Variants in TRAPPC10 observed in about 807,000 individuals in gnomAD.
TRAPPC10 encodes the protein TRAPP 130 kDa subunit.
TRAPPC10 carries 23 observed loss-of-function variants against 125.5 expected under a neutral mutation model. The ratio of observed to expected loss-of-function variants is 0.18; its 90% CI spans 0.13 to 0.26. The LOEUF (loss-of-function observed/expected upper bound fraction) is 0.26. Ranked by LOEUF, TRAPPC10 falls within the 10% of genes least tolerant of loss-of-function variation. The probability of loss-of-function intolerance (pLI) is 1.00; values close to 1 mark genes in which losing one functional copy is unlikely to be tolerated. For synonymous variants in TRAPPC10, 509 were observed against 518.0 expected (o/e 0.98, Z 0.24); for missense variants, 1,123 against 1,308.4 (o/e 0.86, Z 2.19).
Position 44,063,671 on chromosome 21 carries a change from T to C in TRAPPC10, c.924T>C (p.Ser308=). 1 of 1,614,202 alleles carries C rather than the reference T, an allele frequency of 6.2e-7. No individual in the cohort carries two copies. Among genetic ancestry groups the C allele is most frequent in the South Asian group, 1.1e-5 (1 of 91,092 alleles). ...RREATLLDLR[S]YLFSRQCTLL... ...AAGCCACCCTGTTAGATCTGCGCAG[T>C]TACCTGTTCTCTCGCCAGTGCACCT... The change falls in exon 7 of 23, where the codon AGT becomes AGC. Residue 308 remains serine, a synonymous_variant. Coordinates refer to ENST00000291574, the MANE Select transcript of TRAPPC10 (RefSeq NM_003274.5). This position sits in a 1 kb window ranked among gnomAD's most constrained non-coding sequence, Gnocchi z 4.4.
At position 44,059,480 on chromosome 21, in the gene TRAPPC10, TC is replaced by T; in HGVS notation, c.790+268del. 1 of 752,856 alleles carries T rather than the reference TC, an allele frequency of 1.3e-6. No homozygotes were observed. The highest frequency in any genetic ancestry group is 2.5e-6 in the Non-Finnish European group (1 of 403,274). The allele number at this position is 752,856 out of a possible 1,614,324, so 46.6% of individuals were successfully genotyped here. On this transcript the variant is annotated intron_variant, in intron 6 of 22. Coordinates refer to ENST00000291574, the MANE Select transcript of TRAPPC10 (RefSeq NM_003274.5). This position sits in a 1 kb window ranked among gnomAD's most constrained non-coding sequence, Gnocchi z 4.4. The stretch of plus-strand genomic sequence containing the variant: ...TGTTTTCCAGGTATAAAATGTCCTT[TC>T]CACAACTCAGTGGCCTGCTGGTGAT...
chr21:44,068,118 CAA>C (rs1282628289), intron 7 of TRAPPC10, among the ~76,000 whole-genome samples: 34 of 76,946 alleles, frequency 4.4e-4, no homozygotes, highest in Middle Eastern at 9.1e-3. Context: ...GACTCCGTCT[CAA>C]AAAAAAAAAA....
intron 5 of TRAPPC10, among the ~76,000 whole-genome samples, 170 bp downstream of exon 5, chr21:44,056,063 G>A (rs1356839754): frequency 2.0e-5 from 3 of 152,174 alleles, no homozygotes; most frequent in Non-Finnish European, 4.4e-5. Flanking sequence ...GGAAGTGTAT[G>A]GAAGCAGATG....
rs1459813932 is a variant in TRAPPC10, at chr21:44,080,042, C to T, written c.1638C>T (p.Ala546=). The T allele has an allele frequency of 7.4e-6, 12 of 1,614,190 alleles. No individual in the cohort carries two copies. Among genetic ancestry groups the T allele is most frequent in the South Asian group, 1.1e-5 (1 of 91,084 alleles). Residue 546 remains alanine, a synonymous_variant, in exon 13 of 23, where the codon GCC becomes GCT. Transcript: ENST00000291574. The part of the protein sequence containing the change: ...ENYLQTSSLL[A]SDHHLTEEER... Reference sequence around the variant, plus strand: ...ACCTGCAGACCAGCAGCCTCTTAGCCAGTGACCACCACCTCACTGAAGAGG... The same window carrying T: ...ACCTGCAGACCAGCAGCCTCTTAGCTAGTGACCACCACCTCACTGAAGAGG...
Position 44,094,146 on chromosome 21 carries a change from C to G in TRAPPC10, c.3081C>G (p.Phe1027Leu), listed in dbSNP as rs1465278254. The change falls in exon 20 of 23, where the codon TTC becomes TTG. Residue 1027 changes from phenylalanine (F) to leucine (L), a missense_variant. Physicochemically the swap from Phe to Leu is conservative, Grantham distance 22. Coordinates refer to ENST00000291574, the MANE Select transcript of TRAPPC10 (RefSeq NM_003274.5). ...EEPPPSLHCR[F>L]SVGFSPASEE... ...CTCCCCCTTCTCTGCATTGCCGGTT[C>G]TCTGTTGGATTTTCCCCAGCTTCTG... 1.9e-6 allele frequency: 3 copies of G among 1,614,188 alleles called. No homozygotes were observed. In the South Asian group the frequency reaches 3.3e-5, roughly 18 times the overall value.
At chr21:44,038,272 G>A (rs1181558793) in intron 3 of TRAPPC10, among the ~76,000 whole-genome samples, 1 of 152,168 alleles carries the variant, frequency 6.6e-6, no homozygotes, top group South Asian at 2.1e-4. Context: ...GAGCGTGGTC[G>A]TGTTCCCATG....
At chr21:44,086,697 A>G (rs2038157838) in intron 15 of TRAPPC10, 105 bp from the exon 16 acceptor site, 2 of 1,275,804 alleles carry the variant, frequency 1.6e-6, no homozygotes, top group Admixed American at 2.0e-5. Context: ...AAAGGAGCAA[A>G]TCTTTCATAG....
At chr21:44,060,961 C>T (rs150755395) in intron 6 of TRAPPC10, among the ~76,000 whole-genome samples, 10,431 of 137,226 alleles carry the variant, frequency 0.076, 451 homozygotes, top group Middle Eastern at 0.12. Flanking sequence ...TTTTTTGAGA[C>T]GGAGTCTTGC....
intron 7 of TRAPPC10, among the ~76,000 whole-genome samples, chr21:44,064,571 C>T (rs1296516356): frequency 6.6e-6 from 1 of 152,132 alleles, no homozygotes; most frequent in African/African-American, 2.4e-5. Context: ...CACCCATCCC[C>T]TGGTTAAGAT....
rs966498612 is a variant in TRAPPC10, at chr21:44,059,770, G to A, written c.790+556G>A. On this transcript the variant is annotated intron_variant, in intron 6 of 22. Coordinates refer to ENST00000291574, the MANE Select transcript of TRAPPC10 (RefSeq NM_003274.5). The surrounding 1 kb of genome is among the most constrained non-coding windows in gnomAD (Gnocchi z 4.4). The stretch of plus-strand genomic sequence containing the variant: ...CTTATTTTGATGAAAGTGATACCAC[G>A]TTATATAGCTGTTTCTCTGTCGCTC... 17 of 426,642 alleles carry A rather than the reference G, an allele frequency of 4.0e-5. No individual in the cohort carries two copies. The highest frequency in any genetic ancestry group is 2.6e-4 in the African/African-American group (13 of 50,092). 26.4% of individuals were successfully genotyped at this position (426,642 alleles called of 1,614,324 possible). A position where few individuals can be genotyped will look rare whatever the true frequency, so the allele number is the denominator to read the frequency against.
At chr21:44,066,747 GC>G (rs1193636792) in intron 7 of TRAPPC10, among the ~76,000 whole-genome samples, 1 of 152,144 alleles carries the variant, frequency 6.6e-6, no homozygotes, top group African/African-American at 2.4e-5. Context: ...TGCAATTGCA[GC>G]AGTTTGTATC....
At chr21:44,061,992 A>G (rs1002399294) in intron 6 of TRAPPC10, among the ~76,000 whole-genome samples, 1 of 152,250 alleles carries the variant, frequency 6.6e-6, no homozygotes, top group Non-Finnish European at 1.5e-5. Flanking sequence ...AGTGTTATTT[A>G]TAAGGTAAAG....
In TRAPPC10 at chr21:44,079,651, A is replaced by G; in HGVS notation, c.1557A>G (p.Thr519=). The G allele has an allele frequency of 3.7e-6, 6 of 1,611,316 alleles. No homozygotes were observed. Among genetic ancestry groups the G allele is most frequent in the Non-Finnish European group, 5.1e-6 (6 of 1,179,340 alleles). ...CTGAGGGCTGGGCACTCCCCATCAC[A>G]CACACAAGGAAGCAGCTGGCCGAAT... ...YLAEGWALPI[T]HTRKQLAECQ... Residue 519 remains threonine (T), a synonymous_variant, in exon 12 of 23, where the codon ACA becomes ACG. Transcript: ENST00000291574.
rs529885107 is a variant in TRAPPC10 at position 44,071,099 on chromosome 21, G to A, written c.1039-3225G>A. 3.4e-4 allele frequency among the ~76,000 whole-genome samples: 52 copies of A among 152,326 alleles called. 1 individual carries two copies. In the South Asian group the frequency reaches 9.9e-3, roughly 29 times the overall value. Reference sequence around the variant, plus strand: ...AGCAAGGTTGAATCTTAAAGATACTGTGTGGAATTAAAGAAGCCCCATGCA... The same window carrying A: ...AGCAAGGTTGAATCTTAAAGATACTATGTGGAATTAAAGAAGCCCCATGCA... On this transcript the variant is annotated intron_variant, in intron 7 of 22. Coordinates refer to ENST00000291574, the MANE Select transcript of TRAPPC10 (RefSeq NM_003274.5).
intron 5 of TRAPPC10, among the ~76,000 whole-genome samples, chr21:44,058,871 G>A (rs2035815494): frequency 6.6e-6 from 1 of 152,262 alleles, no homozygotes; most frequent in Admixed American, 6.5e-5. Flanking sequence ...AGTTATATCT[G>A]GTGCTGCCGA....
intron 14 of TRAPPC10, 88 bp downstream of exon 14, chr21:44,083,390 T>C (rs2037898531): frequency 1.4e-6 from 2 of 1,430,202 alleles, no homozygotes; most frequent in East Asian, 4.6e-5. Context: ...TGCTGTGAAT[T>C]GAGTAGAGTC....
At chr21:44,088,040 G>A (rs918440102) in intron 17 of TRAPPC10, 112 bp downstream of exon 17, 9 of 893,182 alleles carry the variant, frequency 1.0e-5, no homozygotes, top group Admixed American at 2.2e-5. Context: ...TCTGATTCCC[G>A]ATGCCCTGGG....
chr21:44,075,607 T>A lies in TRAPPC10; in HGVS notation c.1300+454T>A, dbSNP rs1433834347. Among the ~76,000 whole-genome samples the A allele has an allele frequency of 2.6e-5, 4 of 152,134 alleles. No homozygotes were observed. The East Asian group carries it at 7.8e-4, about 30-fold the overall frequency. On this transcript the variant is annotated intron_variant, in intron 9 of 22. Transcript: ENST00000291574. ...CTCAAGGGATCCTCTTGCCTCACCC[T>A]CCCAGGTAGCTGGGACTACAGGTGT...
chr21:44,061,485 T>C (rs919590280), intron 6 of TRAPPC10, among the ~76,000 whole-genome samples: 25 of 151,806 alleles, frequency 1.6e-4, no homozygotes, highest in Non-Finnish European at 2.6e-4. Context: ...GCCAGGCTGG[T>C]CTCGATCTCT....
Sources: gnomAD v4.1 joint callset for allele counts (sites outside exome capture counted in the v4.1 genomes callset) on GRCh38, gnomAD v4.1.1 for gene constraint, Gnocchi (gnomAD v3.1) non-coding constraint, MANE v1.5 for transcripts, NCBI Gene and HGNC (gene_info 2026-07-23, HGNC 2026-07-21) for gene names.